Variants in MGAT4C observed in about 807,000 individuals in gnomAD.
MGAT4C encodes the protein MGAT4 family member C.
Under a neutral mutation model 40.1 loss-of-function variants are expected in MGAT4C, and 19 were observed. The ratio of observed to expected loss-of-function variants is 0.47; its 90% CI spans 0.33 to 0.70. The LOEUF (loss-of-function observed/expected upper bound fraction) is 0.70, where lower values mean the gene tolerates loss of function less well. MGAT4C is among the 30% of genes least tolerant of loss of function. The pLI, the probability that MGAT4C is intolerant of heterozygous loss-of-function variation, is 0.02. For synonymous variants in MGAT4C, 181 were observed against 187.1 expected (o/e 0.97, Z 0.27); for missense variants, 491 against 563.2 (o/e 0.87, Z 1.30).
chr12:86,559,436 C>G (rs1186067421), intron 2 of MGAT4C, among the ~76,000 whole-genome samples: 1 of 151,648 alleles, frequency 6.6e-6, no homozygotes, highest in African/African-American at 2.4e-5. Flanking sequence ...ATAAAGATAC[C>G]AAAATCATAT....
intron 2 of MGAT4C, among the ~76,000 whole-genome samples, chr12:86,564,128 T>A (rs987552666): frequency 3.3e-5 from 5 of 152,110 alleles, no homozygotes; most frequent in African/African-American, 7.2e-5. Context: ...CCCATTCAAC[T>A]CTCCTATTTG....
chr12:86,774,971 T>C (rs1299436763), intron 1 of MGAT4C, among the ~76,000 whole-genome samples: 1 of 152,234 alleles, frequency 6.6e-6, no homozygotes, highest in Non-Finnish European at 1.5e-5. Flanking sequence ...TCAAGTATTA[T>C]TAAGCAGAAA....
intron 2 of MGAT4C, among the ~76,000 whole-genome samples, chr12:86,512,244 A>G (rs187681087): frequency 7.9e-5 from 12 of 152,208 alleles, no homozygotes; most frequent in African/African-American, 2.9e-4. Context: ...TGTTAGGACT[A>G]CCATTATTAA....
chr12:86,327,884 T>A lies in MGAT4C; in HGVS notation c.-57+6181A>T, dbSNP rs192587496. On this transcript the variant is annotated intron_variant, in intron 4 of 7. Transcript: ENST00000548651. ...CATGGGATCAATGATATTATTTATCTTTCCCCACTGACAGCTTAAGGTTTA... is the reference window on the plus strand; with the variant it reads ...CATGGGATCAATGATATTATTTATCATTCCCCACTGACAGCTTAAGGTTTA... Among the ~76,000 whole-genome samples, 822 of 152,288 alleles carry A rather than the reference T, an allele frequency of 5.4e-3. 5 individuals are homozygous for A. The highest frequency in any genetic ancestry group is 0.019 in the African/African-American group (783 of 41,566).
At chr12:86,535,912 T>C (rs1440844587) in intron 2 of MGAT4C, among the ~76,000 whole-genome samples, 1 of 152,096 alleles carries the variant, frequency 6.6e-6, no homozygotes, top group Non-Finnish European at 1.5e-5. Context: ...AAAATTATTG[T>C]AGATATTTTC....
intron 4 of MGAT4C, among the ~76,000 whole-genome samples, chr12:86,285,455 C>T (rs1485084960): frequency 6.6e-6 from 1 of 151,936 alleles, no homozygotes; most frequent in Non-Finnish European, 1.5e-5. Flanking sequence ...ACAACATACA[C>T]ACAAAATGCA....
intron 2 of MGAT4C, among the ~76,000 whole-genome samples, chr12:86,474,245 A>G (rs1436094436): frequency 6.6e-6 from 1 of 151,650 alleles, no homozygotes; most frequent in Non-Finnish European, 1.5e-5. Context: ...GCTGGAAACT[A>G]TCATTCTCAG....
intron 3 of MGAT4C, among the ~76,000 whole-genome samples, chr12:86,410,955 G>T (rs530528115): frequency 2.0e-5 from 3 of 152,216 alleles, no homozygotes; most frequent in African/African-American, 4.8e-5. Flanking sequence ...CTCCTCCTCT[G>T]CTCTGGCCAT....
chr12:86,508,564 G>T (rs1958513945), intron 2 of MGAT4C, among the ~76,000 whole-genome samples: 1 of 152,002 alleles, frequency 6.6e-6, no homozygotes, highest in South Asian at 2.1e-4. Flanking sequence ...ACTCCTTTGG[G>T]TATATACCCA....
intron 1 of MGAT4C, among the ~76,000 whole-genome samples, chr12:86,158,148 T>C (rs996801662): frequency 2.0e-5 from 3 of 152,104 alleles, no homozygotes; most frequent in East Asian, 1.9e-4. Flanking sequence ...ATCACAACCC[T>C]TTGAGGGCAG....
intron 1 of MGAT4C, among the ~76,000 whole-genome samples, chr12:86,069,903 T>G (rs572579636): frequency 6.6e-6 from 1 of 152,016 alleles, no homozygotes; most frequent in South Asian, 2.1e-4. Flanking sequence ...GATAATCAAG[T>G]TTTTCTACAC....
chr12:86,776,089 C>T (rs1218835873), intron 1 of MGAT4C, among the ~76,000 whole-genome samples: 1 of 151,760 alleles, frequency 6.6e-6, no homozygotes, highest in Non-Finnish European at 1.5e-5. Context: ...GAATTTGGGA[C>T]TAATAATAGA....
chr12:86,712,131 T>G (rs1226877838), intron 2 of MGAT4C, among the ~76,000 whole-genome samples: 1 of 152,106 alleles, frequency 6.6e-6, no homozygotes, highest in Non-Finnish European at 1.5e-5. Flanking sequence ...GATAATAAAT[T>G]TAATATTGTA....
chr12:85,986,201 C>T (rs1475575724), intron 3 of MGAT4C, among the ~76,000 whole-genome samples: 1 of 152,194 alleles, frequency 6.6e-6, no homozygotes, highest in Non-Finnish European at 1.5e-5. Context: ...TCCAGAGTCA[C>T]CTACCTGAAC....
At chr12:86,476,619 C>T (rs1957839007) in intron 2 of MGAT4C, among the ~76,000 whole-genome samples, 1 of 151,940 alleles carries the variant, frequency 6.6e-6, no homozygotes, top group African/African-American at 2.4e-5. Context: ...CAAAAAGACA[C>T]ATGTATTTGT....
chr12:86,438,468 G>A (rs1428299332), intron 2 of MGAT4C, among the ~76,000 whole-genome samples: 2 of 151,898 alleles, frequency 1.3e-5, no homozygotes, highest in Non-Finnish European at 2.9e-5. Flanking sequence ...ATCAGCCTAA[G>A]ACAACTGATG....
chr12:86,056,187 T>C (rs1893367043), intron 1 of MGAT4C, among the ~76,000 whole-genome samples: 1 of 152,142 alleles, frequency 6.6e-6, no homozygotes, highest in Non-Finnish European at 1.5e-5. Flanking sequence ...AGAAAACTAT[T>C]ATTTGAGCTT....
intron 2 of MGAT4C, among the ~76,000 whole-genome samples, chr12:86,721,206 T>C (rs1950730510): frequency 2.6e-5 from 4 of 152,122 alleles, no homozygotes; most frequent in Admixed American, 2.6e-4. Context: ...TGATGCACCA[T>C]GTGTGGATCT....
intron 2 of MGAT4C, among the ~76,000 whole-genome samples, chr12:86,044,513 A>G (rs1395682453): frequency 1.3e-5 from 2 of 152,136 alleles, no homozygotes; most frequent in African/African-American, 4.8e-5. Context: ...GAGGGGAGGC[A>G]AGGTCCACTC....
Sources: gnomAD v4.1 joint callset for allele counts (sites outside exome capture counted in the v4.1 genomes callset) on GRCh38, gnomAD v4.1.1 for gene constraint, MANE v1.5 for transcripts, NCBI Gene and HGNC (gene_info 2026-07-23, HGNC 2026-07-21) for gene names.